ZNF695: variants seen among roughly 807,000 people sequenced by gnomAD.
ZNF695 encodes the protein zinc finger protein 695, also known as zinc finger protein SBZF3.
Under a neutral mutation model 11.2 loss-of-function variants are expected in ZNF695, and 11 were observed. The observed-to-expected ratio is 0.98, with a 90% CI of 0.62 to 1.62. ZNF695 has a LOEUF of 1.62. Among genes scored for constraint, ZNF695 ranks in the 40% most tolerant of loss-of-function variants. The probability of loss-of-function intolerance (pLI) is 0.00; values close to 1 mark genes in which losing one functional copy is unlikely to be tolerated. For synonymous variants in ZNF695, 190 were observed against 201.4 expected, an observed-to-expected ratio of 0.94 and a Z score of 0.48; for missense variants, 559 against 590.5, an observed-to-expected ratio of 0.95 and a Z score of 0.55.
At position 246,988,134 on chromosome 1, in the gene ZNF695, G is replaced by A; in HGVS notation, c.381C>T (p.Asp127=). ...CTTTCCACTCACCCACAATTTCCCAGTCATTCCTTAAGCGTAATTTCTCAA... is the reference window on the plus strand; with the variant it reads ...CTTTCCACTCACCCACAATTTCCCAATCATTCCTTAAGCGTAATTTCTCAA... The part of the protein sequence containing the change: ...CCLEKLRLRN[D]WEIVGEWKGQ... Residue 127 remains aspartate, a synonymous_variant, in exon 4 of 4, where the codon GAC becomes GAT. Coordinates refer to ENST00000339986, the MANE Select transcript of ZNF695 (RefSeq NM_020394.5). The A allele has an allele frequency of 6.2e-7, 1 of 1,613,722 alleles. No individual in the cohort carries two copies. The highest frequency in any genetic ancestry group is 1.1e-5 in the South Asian group (1 of 91,048).
downstream of ZNF695, among the ~76,000 whole-genome samples, chr1:246,982,864 T>C (rs1174075261): frequency 6.6e-6 from 1 of 151,942 alleles, no homozygotes; most frequent in Non-Finnish European, 1.5e-5. Context: ...TAGACTTAAG[T>C]ATTCCATATA....
rs1190051566 is a variant in ZNF695 at position 246,958,569 on chromosome 1, G to A, written c.488+9126C>T. Among the ~76,000 whole-genome samples the A allele has an allele frequency of 3.3e-5, 5 of 152,216 alleles. No individual in the cohort carries two copies. In the East Asian group the frequency reaches 9.7e-4, roughly 29 times the overall value. ...GAATTCTGGCTGACATCCTCAGCTA[G>A]TCCCCAGCCATGAGCAAGCATCAGC... On this transcript the variant is annotated intron_variant, in intron 5 of 5. Transcript: ENST00000487338.
chr1:246,977,398 G>A (rs913227180), intron 4 of ZNF695, among the ~76,000 whole-genome samples: 7 of 152,182 alleles, frequency 4.6e-5, no homozygotes, highest in Admixed American at 2.0e-4. Flanking sequence ...CTGAGACTAC[G>A]GGTGCCCGCC....
downstream of ZNF695, among the ~76,000 whole-genome samples, chr1:246,981,408 T>A (rs1400917938): frequency 6.6e-6 from 1 of 152,236 alleles, no homozygotes; most frequent in Non-Finnish European, 1.5e-5. Flanking sequence ...AATCAGTAGG[T>A]TGAGGAGACA....
At chr1:246,972,540 G>T (rs1295923065) in intron 4 of ZNF695, among the ~76,000 whole-genome samples, 4 of 152,040 alleles carry the variant, frequency 2.6e-5, no homozygotes, top group Non-Finnish European at 5.9e-5. Flanking sequence ...AGTTTTTTTT[G>T]AGATGAAGTC....
Position 246,986,556 on chromosome 1 carries a change from T to A in ZNF695, c.*411A>T. ...TTTTGATGTAATTTTTGATTAGACATTTTTTCACATTTACTGCATCTGTAA... is the reference window on the plus strand; with the variant it reads ...TTTTGATGTAATTTTTGATTAGACAATTTTTCACATTTACTGCATCTGTAA... On this transcript the variant is annotated 3_prime_UTR_variant, in exon 4 of 4. Coordinates refer to ENST00000339986, the MANE Select transcript of ZNF695 (RefSeq NM_020394.5). The A allele has an allele frequency of 1.0e-6, 1 of 992,798 alleles. No homozygotes were observed. The highest frequency in any genetic ancestry group is 1.2e-6 in the Non-Finnish European group (1 of 835,006). The allele number at this position is 992,798 out of a possible 1,614,324, so 61.5% of individuals were successfully genotyped here. A position where few individuals can be genotyped will look rare whatever the true frequency, so the allele number is the denominator to read the frequency against.
chr1:246,967,067 C>A (rs1668308739), intron 5 of ZNF695, among the ~76,000 whole-genome samples: 3 of 152,066 alleles, frequency 2.0e-5, no homozygotes, highest in African/African-American at 7.2e-5. Flanking sequence ...GCCTCCCCAG[C>A]AGCTGGGATT....
chr1:246,983,147 T>G (rs1668757201), downstream of ZNF695, among the ~76,000 whole-genome samples: 1 of 150,172 alleles, frequency 6.7e-6, no homozygotes, highest in Non-Finnish European at 1.5e-5. Context: ...GAGCTTGCAG[T>G]GAGCCGTGAT....
rs1668901381 is a variant in ZNF695, at chr1:246,987,844, C to G, written c.671G>C (p.Cys224Ser). The G allele has an allele frequency of 1.2e-6, 2 of 1,611,118 alleles. No homozygotes were observed. The highest frequency in any genetic ancestry group is 1.7e-6 in the Non-Finnish European group (2 of 1,179,240). ...CKKCGKAFNECSCFTDCKRIH... is the reference protein window; with the variant it reads ...CKKCGKAFNESSCFTDCKRIH... Reference sequence around the variant, plus strand: ...TCTCTTACAGTCAGTAAAGCATGAGCACTCATTAAAGGCTTTGCCACATTT... The same window carrying G: ...TCTCTTACAGTCAGTAAAGCATGAGGACTCATTAAAGGCTTTGCCACATTT... The change falls in exon 4 of 4, where the codon TGC becomes TCC. Residue 224 changes from cysteine to serine, a missense_variant. Cys to Ser is a moderately radical substitution (Grantham distance 112). Transcript: ENST00000339986.
At chr1:246,959,336 T>A (rs1385227380) in intron 5 of ZNF695, among the ~76,000 whole-genome samples, 118 of 98,236 alleles carry the variant, frequency 1.2e-3, no homozygotes, top group Non-Finnish European at 1.6e-3. Context: ...TATATATATA[T>A]ATATATATAT....
At chr1:246,976,590 C>G (rs10754534) in intron 4 of ZNF695, among the ~76,000 whole-genome samples, 85,518 of 151,056 alleles carry the variant, frequency 0.57, 27,904 homozygotes, top group East Asian at 0.93. Flanking sequence ...GTGAGGAGAT[C>G]GAGACCATCC....
intron 3 of ZNF695, among the ~76,000 whole-genome samples, chr1:246,991,230 G>A (rs938384890): frequency 8.6e-5 from 13 of 151,834 alleles, no homozygotes; most frequent in Non-Finnish European, 7.4e-5. Flanking sequence ...AAAATTTCTG[G>A]AGCAATACCG....
At chr1:246,977,743 T>C (rs187001319) in intron 4 of ZNF695, among the ~76,000 whole-genome samples, 11 of 152,334 alleles carry the variant, frequency 7.2e-5, no homozygotes, top group Non-Finnish European at 1.2e-4. Flanking sequence ...AAAAGACTTT[T>C]GTATAGTATC....
intron 1 of ZNF695, among the ~76,000 whole-genome samples, chr1:247,003,005 A>G (rs966033446): frequency 6.6e-6 from 1 of 152,256 alleles, no homozygotes; most frequent in African/African-American, 2.4e-5. Flanking sequence ...AGGAATGCCT[A>G]TACACTGCTG....
intron 4 of ZNF695, chr1:246,967,875 A>C (rs983000857): frequency 1.5e-5 from 3 of 200,906 alleles, no homozygotes; most frequent in Admixed American, 5.4e-5. Flanking sequence ...CATCATGAGA[A>C]CAGCAAAGGA....
chr1:246,988,450 G>A (rs1427595447), intron 3 of ZNF695, among the ~76,000 whole-genome samples, 195 bp from the exon 4 acceptor site: 2 of 151,908 alleles, frequency 1.3e-5, no homozygotes, highest in African/African-American at 2.4e-5. Flanking sequence ...AGCAGCCAAA[G>A]GGGGAAAAAA....
chr1:246,959,088 C>A lies in ZNF695; in HGVS notation c.488+8607G>T, dbSNP rs182718524. 4.3e-3 allele frequency among the ~76,000 whole-genome samples: 653 copies of A among 151,172 alleles called. 3 individuals carry two copies. The highest frequency in any genetic ancestry group is 8.1e-3 in the Admixed American group (123 of 15,140). The stretch of plus-strand genomic sequence containing the variant: ...ATTGCTTGAGGCCAGGAGTTTCAGA[C>A]AAGCCTGGGCAACATAGCAAGACCC... On this transcript the variant is annotated intron_variant, in intron 5 of 5. Coordinates refer to the ZNF695 transcript ENST00000487338.
At chr1:246,972,982 A>G (rs1327872652) in intron 4 of ZNF695, among the ~76,000 whole-genome samples, 1 of 149,808 alleles carries the variant, frequency 6.7e-6, no homozygotes, top group African/African-American at 2.4e-5. Context: ...TTCTGAAAAT[A>G]TCACACACAT....
rs1271196746 is a variant in ZNF695 at position 246,987,683 on chromosome 1, TA to T, written c.831del (p.Phe277LeufsTer91). 11 of 1,597,396 alleles carry T rather than the reference TA, an allele frequency of 6.9e-6. No individual in the cohort carries two copies. Among genetic ancestry groups the T allele is most frequent in the Non-Finnish European group, 9.4e-6 (11 of 1,173,984 alleles). ...TGTTTAGTAAGAACTGAGCACAGGT[TA>T]AAAGCTTTGCCACATTCTTCACATC... ...TYRCEECGKA[F>X]NLCSVLTKHK... On this transcript the variant is annotated frameshift_variant, in exon 4 of 4. Transcript: ENST00000339986. LOFTEE classifies it low-confidence loss of function (END_TRUNC).
Sources: gnomAD v4.1 joint callset for allele counts (sites outside exome capture counted in the v4.1 genomes callset) on GRCh38, gnomAD v4.1.1 for gene constraint, MANE v1.5 for transcripts, NCBI Gene and HGNC (gene_info 2026-07-23, HGNC 2026-07-21) for gene names.